YPEL2: variants seen among roughly 807,000 people sequenced by gnomAD.
YPEL2 encodes the protein yippee like 2.
A neutral mutation model predicts 19.1 loss-of-function variants in YPEL2; 2 were observed. The ratio of observed to expected loss-of-function variants is 0.10; its 90% CI spans 0.04 to 0.33. The LOEUF is 0.33. Ranked by LOEUF, YPEL2 falls within the 10% of genes least tolerant of loss-of-function variation. The probability of loss-of-function intolerance (pLI) is 1.00; values close to 1 mark genes in which losing one functional copy is unlikely to be tolerated. For synonymous variants in YPEL2, 52 were observed against 50.0 expected (o/e 1.04, Z -0.17); for missense variants, 66 against 140.7 (o/e 0.47, Z 2.68).
rs1450893496 is a variant in YPEL2, at chr17:59,387,978, G to GC, written c.118-349_118-348insC. ...GGCCAGCACAGATGGCTGAAATCAG[G>GC]TGGGACCAGGAAACGCCAATGCGGA... On this transcript the variant is annotated intron_variant, in intron 2 of 4. Coordinates refer to ENST00000312655, the MANE Select transcript of YPEL2 (RefSeq NM_001005404.4). Among the ~76,000 whole-genome samples, 32 of 152,358 alleles carry GC rather than the reference G, an allele frequency of 2.1e-4. 1 individual carries two copies. In the East Asian group the frequency reaches 6.2e-3, roughly 29 times the overall value.
At chr17:59,335,960 A>T (rs1231648080) in intron 1 of YPEL2, among the ~76,000 whole-genome samples, 1 of 152,054 alleles carries the variant, frequency 6.6e-6, no homozygotes, top group African/African-American at 2.4e-5. Context: ...GCCTCTCTTA[A>T]TCCCCTTAAC....
At chr17:59,357,810 A>C (rs552190209) in intron 2 of YPEL2, among the ~76,000 whole-genome samples, 1 of 152,178 alleles carries the variant, frequency 6.6e-6, no homozygotes, top group African/African-American at 2.4e-5. Context: ...AGGAAGGATA[A>C]ATTGGATTAA....
intron 1 of YPEL2, among the ~76,000 whole-genome samples, chr17:59,347,151 T>C (rs2047760411): frequency 6.6e-6 from 1 of 152,236 alleles, no homozygotes; most frequent in Non-Finnish European, 1.5e-5. Flanking sequence ...CTAACTTAGT[T>C]CATCCTCATA....
At chr17:59,365,879 A>G (rs574022859) in intron 2 of YPEL2, among the ~76,000 whole-genome samples, 1 of 152,274 alleles carries the variant, frequency 6.6e-6, no homozygotes, top group South Asian at 2.1e-4. Flanking sequence ...ACATCTAATC[A>G]GTCCATAAAC....
intron 1 of YPEL2, among the ~76,000 whole-genome samples, chr17:59,338,920 T>C (rs1171899389): frequency 6.6e-6 from 1 of 152,182 alleles, no homozygotes; most frequent in Non-Finnish European, 1.5e-5. Flanking sequence ...AAAAACTGTT[T>C]CCCAGGTTCT....
In YPEL2 at chr17:59,399,296, T is replaced by G. The variant is rs2048057663; in HGVS notation, c.*2106T>G. 1 of 152,680 alleles carries G rather than the reference T, an allele frequency of 6.5e-6. No homozygotes were observed. Among genetic ancestry groups the G allele is most frequent in the South Asian group, 2.1e-4 (1 of 4,832 alleles). The allele number at this position is 152,680 out of a possible 1,614,324, so 9.5% of individuals were successfully genotyped here. A position where few individuals can be genotyped will look rare whatever the true frequency, so the allele number is the denominator to read the frequency against. ...CTTTATGGATTTTCATTGGACTCTT[T>G]CCTCAGCGATTGTCCTGGCTGTTTA... On this transcript the variant is annotated 3_prime_UTR_variant, in exon 5 of 5. Transcript: ENST00000312655.
chr17:59,341,927 A>C (rs899026628), intron 1 of YPEL2, among the ~76,000 whole-genome samples: 1 of 152,196 alleles, frequency 6.6e-6, no homozygotes, highest in Non-Finnish European at 1.5e-5. Context: ...AATAATTCCC[A>C]GAACAAAATA....
intron 2 of YPEL2, chr17:59,354,239 C>G (rs1044743936): frequency 6.6e-6 from 1 of 152,384 alleles, no homozygotes; most frequent in Non-Finnish European, 1.5e-5. Flanking sequence ...AACTGCTTCC[C>G]TCCTGGCCCT....
chr17:59,391,149 A>G (rs2048005373), intron 4 of YPEL2, among the ~76,000 whole-genome samples: 1 of 152,166 alleles, frequency 6.6e-6, no homozygotes, highest in Admixed American at 6.5e-5. Flanking sequence ...AATTTAGTCC[A>G]TGTAAAATGT....
rs990336418 is a variant in YPEL2, at chr17:59,399,246, C to G, written c.*2056C>G. ...GCCATGGATTTCCCCTCTCTCCCTT[C>G]CCCCTCCTCAAGGAAATAGTCTTCC... On this transcript the variant is annotated 3_prime_UTR_variant, in exon 5 of 5. Coordinates refer to ENST00000312655, the MANE Select transcript of YPEL2 (RefSeq NM_001005404.4). The G allele has an allele frequency of 6.6e-6, 1 of 152,636 alleles. No homozygotes were observed. Among genetic ancestry groups the G allele is most frequent in the African/African-American group, 2.4e-5 (1 of 41,454 alleles). The allele number at this position is 152,636 out of a possible 1,614,324, so 9.5% of individuals were successfully genotyped here.
intron 2 of YPEL2, among the ~76,000 whole-genome samples, chr17:59,379,570 C>T (rs2047938397): frequency 6.6e-6 from 1 of 152,158 alleles, no homozygotes; most frequent in South Asian, 2.1e-4. Flanking sequence ...TAGAGACCGA[C>T]AGTAGATTTA....
In YPEL2 at chr17:59,397,928, AATC is replaced by A. The variant is rs1464082987; in HGVS notation, c.*745_*747del. On this transcript the variant is annotated 3_prime_UTR_variant, in exon 5 of 5. Transcript: ENST00000312655. ...CTGATGCCTCACTCAGTCTCTGGGC[AATC>A]ATCATCTTTGCCTCTAGCCACCGTA... is the stretch of plus-strand genomic sequence containing the variant. The A allele has an allele frequency of 2.6e-5, 4 of 152,232 alleles. No individual in the cohort carries two copies. The highest frequency in any genetic ancestry group is 5.9e-5 in the Non-Finnish European group (4 of 68,106). The allele number at this position is 152,232 out of a possible 1,614,324, so 9.4% of individuals were successfully genotyped here.
At chr17:59,342,323 C>G (rs903232132) in intron 1 of YPEL2, among the ~76,000 whole-genome samples, 2 of 152,178 alleles carry the variant, frequency 1.3e-5, no homozygotes, top group African/African-American at 4.8e-5. Flanking sequence ...GTGGGAAACA[C>G]AGATGACAAT....
intron 2 of YPEL2, among the ~76,000 whole-genome samples, chr17:59,382,910 T>C (rs2047956987): frequency 6.6e-6 from 1 of 152,214 alleles, no homozygotes; most frequent in Non-Finnish European, 1.5e-5. Flanking sequence ...CCCAAAGTGC[T>C]GGGATTATAG....
chr17:59,391,707 G>A (rs936492360), intron 4 of YPEL2, among the ~76,000 whole-genome samples: 2 of 152,068 alleles, frequency 1.3e-5, no homozygotes, highest in Non-Finnish European at 2.9e-5. Flanking sequence ...AGACCCGCCT[G>A]GCCAACATAT....
intron 2 of YPEL2, among the ~76,000 whole-genome samples, chr17:59,359,598 A>AT (rs1399621804): frequency 6.6e-6 from 1 of 152,244 alleles, no homozygotes. Flanking sequence ...CAAAATAGGT[A>AT]TTTTTAGCCC....
At chr17:59,374,951 A>G (rs1489023921) in intron 2 of YPEL2, among the ~76,000 whole-genome samples, 1 of 152,202 alleles carries the variant, frequency 6.6e-6, no homozygotes, top group East Asian at 1.9e-4. Context: ...GAGAGATAAG[A>G]GCTTTAAATC....
intron 1 of YPEL2, among the ~76,000 whole-genome samples, chr17:59,341,021 C>T (rs1203452820): frequency 1.4e-5 from 2 of 147,388 alleles, no homozygotes; most frequent in Admixed American, 1.4e-4. Context: ...GGCTGTTTTG[C>T]GGAACTTTAA....
At chr17:59,397,057 T>C (rs1268439367) in intron 4 of YPEL2, 44 bp from the exon 5 acceptor site, 1 of 1,490,234 alleles carries the variant, frequency 6.7e-7, no homozygotes. Context: ...CATTTTCTTG[T>C]CTTTGGTCGT....
Sources: allele counts gnomAD v4.1 joint callset (sites outside exome capture counted in the v4.1 genomes callset), GRCh38; gene constraint gnomAD v4.1.1; transcripts MANE v1.5; gene names NCBI Gene and HGNC (gene_info 2026-07-23, HGNC 2026-07-21).